PLEC: variants seen among roughly 807,000 people sequenced by gnomAD.
The protein encoded by PLEC is hemidesmosomal protein 1.
In PLEC, 216 loss-of-function variants were observed where a neutral mutation model predicts 392.8. The ratio of observed to expected loss-of-function variants is 0.55; its 90% CI spans 0.49 to 0.62. The LOEUF (loss-of-function observed/expected upper bound fraction) is 0.62. Ranked by LOEUF, PLEC falls within the 20% of genes least tolerant of loss-of-function variation. The probability of loss-of-function intolerance (pLI) is 0.00; values close to 1 mark genes in which losing one functional copy is unlikely to be tolerated. For missense variants in PLEC, 6,863 were observed against 6,563.4 expected (o/e 1.05, Z -1.58); for synonymous variants, 3,621 against 2,980.6 (o/e 1.21, Z -7.00).
Position 143,932,894 on chromosome 8 carries a change from C to G in PLEC, c.1636G>C (p.Val546Leu). 1 of 1,612,578 alleles carries G rather than the reference C, an allele frequency of 6.2e-7. No homozygotes were observed. Among genetic ancestry groups the G allele is most frequent in the Non-Finnish European group, 8.5e-7 (1 of 1,179,900 alleles). ...TGCGCCTCCACGCTGGGCAGGTCCA[C>G]ACCCCACTCAGCGCCATCCACACGG... is the stretch of plus-strand genomic sequence containing the variant. ...QHRVDGAEWG[V>L]DLPSVEAQLG... Residue 546 changes from valine to leucine, a missense_variant, in exon 14 of 32, where the codon GTG becomes CTG. Val to Leu is a conservative substitution (Grantham distance 32). Coordinates refer to ENST00000345136, the MANE Select transcript of PLEC (RefSeq NM_201384.3).
chr8:143,961,685 C>A (rs924561226), intron 1 of PLEC, among the ~76,000 whole-genome samples: 1 of 152,146 alleles, frequency 6.6e-6, no homozygotes, highest in African/African-American at 2.4e-5. Flanking sequence ...CAGGGGAATG[C>A]TGTATTGTAA....
chr8:143,920,035 G>C lies in PLEC; in HGVS notation c.9786C>G (p.Phe3262Leu), dbSNP rs781967089. ...TVWELISSEY[F>L]TAEQRQELLR... ...ACAGCTCCTGCCGCTGCTCCGCAGT[G>C]AAGTACTCAGAGCTGATGAGCTCCC... The change falls in exon 32 of 32, where the codon TTC (phenylalanine) becomes TTG (leucine). Residue 3262 changes from phenylalanine to leucine, a missense_variant. Phe to Leu is a conservative substitution (Grantham distance 22). Transcript: ENST00000345136. The C allele has an allele frequency of 1.2e-6, 2 of 1,613,340 alleles. No homozygotes were observed. The highest frequency in any genetic ancestry group is 8.5e-7 in the Non-Finnish European group (1 of 1,180,024).
At position 143,932,460 on chromosome 8, in the gene PLEC, C is replaced by T. The variant is rs782623219; in HGVS notation, c.1917G>A (p.Glu639=). Residue 639 remains glutamate, a synonymous_variant, in exon 16 of 32, where the codon GAG becomes GAA. Transcript: ENST00000345136. The part of the protein sequence containing the change: ...LMWLNEKEEE[E]VGFDWSDRNT... ...TGCGGTCGCTCCAGTCGAAGCCCACCTCCTCCTCCTCCTTCTCATTCAGCC... is the reference window on the plus strand; with the variant it reads ...TGCGGTCGCTCCAGTCGAAGCCCACTTCCTCCTCCTCCTTCTCATTCAGCC... The T allele has an allele frequency of 1.9e-6, 3 of 1,612,220 alleles. No homozygotes were observed. The South Asian group carries it at 3.3e-5, about 18-fold the overall frequency.
chr8:143,945,011 C>T (rs1026664286), intron 1 of PLEC, among the ~76,000 whole-genome samples: 4 of 144,310 alleles, frequency 2.8e-5, no homozygotes, highest in African/African-American at 5.9e-5. Flanking sequence ...TAGAGCAGGG[C>T]GCGGGAGGTG....
In PLEC at chr8:143,973,348, T is replaced by C; in HGVS notation, c.70+55A>G. 1.3e-6 allele frequency: 2 copies of C among 1,535,106 alleles called. No individual in the cohort carries two copies. Among genetic ancestry groups the C allele is most frequent in the South Asian group, 1.2e-5 (1 of 83,488 alleles). On this transcript the variant is annotated intron_variant, in intron 1 of 31. Transcript: ENST00000356346. The surrounding 1 kb of genome is among the most constrained non-coding windows in gnomAD (Gnocchi z 5.6). ...ACCGCCACCGTGGACGACAAGGTGC[T>C]CGGCGGCTGGGCTGTCAGGAGCGGC...
Position 143,969,880 on chromosome 8 carries a change from C to T in PLEC, c.70+3523G>A, listed in dbSNP as rs1244074626. ...GTGAGTACCGTTGGTGAGTGGGTGG[C>T]GTTGGTGTGGGGCAGGGGCCAGGGG... On this transcript the variant is annotated intron_variant, in intron 1 of 31. Coordinates refer to the PLEC transcript ENST00000356346. The surrounding 1 kb of genome is among the most constrained non-coding windows in gnomAD (Gnocchi z 5.1). 7.1e-6 allele frequency among the ~76,000 whole-genome samples: 1 copy of T among 141,690 alleles called. No homozygotes were observed. The highest frequency in any genetic ancestry group is 2.6e-5 in the African/African-American group (1 of 37,984). 93.0% of individuals were successfully genotyped at this position (141,690 alleles called of 152,430 possible).
chr8:143,962,975 G>A (rs1587404340), intron 1 of PLEC, among the ~76,000 whole-genome samples: 1 of 152,166 alleles, frequency 6.6e-6, no homozygotes, highest in African/African-American at 2.4e-5. Flanking sequence ...AGTGTGTTCT[G>A]CAGAGAAAGC....
chr8:143,957,604 C>T (rs1043105142), upstream of PLEC, among the ~76,000 whole-genome samples: 4 of 152,328 alleles, frequency 2.6e-5, no homozygotes, highest in Admixed American at 6.5e-5. Flanking sequence ...TCCTTCCCAA[C>T]CCCTCTGTCT....
rs2131299748 is a variant in PLEC at position 143,923,069 on chromosome 8, G to A, written c.6860C>T (p.Ala2287Val). 1 of 1,609,602 alleles carries A rather than the reference G, an allele frequency of 6.2e-7. No homozygotes were observed. The change falls in exon 31 of 32, where the codon GCC becomes GTC. Residue 2287 changes from alanine to valine, a missense_variant. Coordinates refer to ENST00000345136, the MANE Select transcript of PLEC (RefSeq NM_201384.3). ...CTGCCGCAGTCGCGCAGCCTCTTGG[G>A]CCGCCACACTCAGCCGCGCGGCCTC... ...AEEAARLSVA[A>V]QEAARLRQLA...
chr8:143,963,651 C>A (rs1234785732), intron 1 of PLEC, among the ~76,000 whole-genome samples: 1 of 152,068 alleles, frequency 6.6e-6, no homozygotes, highest in Non-Finnish European at 1.5e-5. Flanking sequence ...CTTCGATGAT[C>A]AGATTTGGGA....
In PLEC at chr8:143,923,957, T is replaced by C. The variant is rs370277924; in HGVS notation, c.5972A>G (p.Gln1991Arg). 2 of 1,593,116 alleles carry C rather than the reference T, an allele frequency of 1.3e-6. No homozygotes were observed. The highest frequency in any genetic ancestry group is 1.7e-6 in the Non-Finnish European group (2 of 1,177,228). Reference protein sequence around the residue: ...RRRREAEERVQKSLAAEEEAA... With the variant: ...RRRREAEERVRKSLAAEEEAA... ...CTCCTCCTCGGCCGCCAGGCTCTTC[T>C]GCACGCGCTCCTCAGCCTCACGGCG... The change falls in exon 31 of 32, where the codon CAG becomes CGG. Residue 1991 changes from glutamine (Q) to arginine (R), a missense_variant. Transcript: ENST00000345136.
chr8:143,926,880 G>A lies in PLEC; in HGVS notation c.3948C>T (p.Tyr1316=), dbSNP rs782715020. The A allele has an allele frequency of 2.5e-5, 41 of 1,610,384 alleles. No homozygotes were observed. The highest frequency in any genetic ancestry group is 3.3e-5 in the Admixed American group (2 of 60,012). The change falls in exon 30 of 32, where the codon TAC becomes TAT. Residue 1316 remains tyrosine, a splice_region_variant and synonymous_variant. Coordinates refer to ENST00000345136, the MANE Select transcript of PLEC (RefSeq NM_201384.3). The stretch of plus-strand genomic sequence containing the variant: ...CGCTGTAGTGCGTACGCAGGTCCAC[G>A]TACTGTGGAGTAGAGCCAGGGTTAG... ...QSGSESVIQE[Y]VDLRTHYSEL... is the part of the protein sequence containing the mutation.
In PLEC at chr8:143,938,389, G is replaced by A. The variant is rs937866071; in HGVS notation, c.175-149C>T. 15 of 1,535,398 alleles carry A rather than the reference G, an allele frequency of 9.8e-6. No homozygotes were observed. In the East Asian group the frequency reaches 1.5e-4, roughly 15 times the overall value. ...GCCCACGGAACACACCCTGCCCCAC[G>A]GAGGCACCTACCTCTGCCCGCCAGT... On this transcript the variant is annotated intron_variant, in intron 2 of 31. Coordinates refer to ENST00000345136, the MANE Select transcript of PLEC (RefSeq NM_201384.3).
rs970600859 is a variant in PLEC at position 143,969,230 on chromosome 8, C to A, written c.70+4173G>T. ...GATGTGAGCAGCCCTGACAGCGTCC[C>A]GGCAAGTCGAAGAGGCCAGACCCAG... On this transcript the variant is annotated intron_variant, in intron 1 of 31. Transcript: ENST00000356346. This position sits in a 1 kb window ranked among gnomAD's most constrained non-coding sequence, Gnocchi z 5.1. Among the ~76,000 whole-genome samples, 1 of 152,184 alleles carries A rather than the reference C, an allele frequency of 6.6e-6. No homozygotes were observed.
rs782398711 is a variant in PLEC at position 143,919,273 on chromosome 8, G to A, written c.10548C>T (p.Asn3516=). 5 of 1,614,052 alleles carry A rather than the reference G, an allele frequency of 3.1e-6. No homozygotes were observed. The highest frequency in any genetic ancestry group is 1.7e-5 in the Admixed American group (1 of 60,032). ...SDDTKGFFDP[N]THENLTYRQL... is the part of the protein sequence containing the mutation. ...GCCTGTACGTGAGGTTCTCATGCGT[G>A]TTGGGGTCAAAGAAGCCCTTGGTGT... is the stretch of plus-strand genomic sequence containing the variant. The change falls in exon 32 of 32, where the codon AAC becomes AAT. Residue 3516 remains asparagine, a synonymous_variant. Transcript: ENST00000345136.
chr8:143,939,633 C>T (rs960980029), upstream of PLEC: 32 of 1,426,796 alleles, frequency 2.2e-5, no homozygotes, highest in Non-Finnish European at 2.8e-5. Context: ...CTGTACTCCC[C>T]GGCGAGGCCG....
Position 143,916,723 on chromosome 8 carries a change from G to A in PLEC, c.13098C>T (p.Thr4366=). 6.2e-7 allele frequency: 1 copy of A among 1,613,032 alleles called. No individual in the cohort carries two copies. Among genetic ancestry groups the A allele is most frequent in the African/African-American group, 1.3e-5 (1 of 75,058 alleles). ...FCGFEDPRTK[T]KMSAAQALKK... Reference sequence around the variant, plus strand: ...TCAGGGCCTGGGCGGCCGACATCTTGGTCTTGGTGCGTGGGTCCTCGAAGC... The same window carrying A: ...TCAGGGCCTGGGCGGCCGACATCTTAGTCTTGGTGCGTGGGTCCTCGAAGC... The change falls in exon 32 of 32, where the codon ACC becomes ACT. Residue 4366 remains threonine, a synonymous_variant. Transcript: ENST00000345136.
rs782025276 is a variant in PLEC at position 143,920,771 on chromosome 8, C to T, written c.9050G>A (p.Arg3017Gln). The T allele has an allele frequency of 3.2e-5, 52 of 1,606,498 alleles. No homozygotes were observed. The highest frequency in any genetic ancestry group is 2.5e-4 in the East Asian group (11 of 44,890). The change falls in exon 32 of 32, where the codon CGG becomes CAG. Residue 3017 changes from arginine to glutamine, a missense_variant. Physicochemically the swap from Arg to Gln is conservative, Grantham distance 43. Transcript: ENST00000345136. ...VRDVAEVDTVRRALRGANVIA... is the reference protein window; with the variant it reads ...VRDVAEVDTVQRALRGANVIA... ...GACGTTGGCACCCCGGAGAGCCCGC[C>T]GCACAGTGTCCACCTCGGCTACGTC... is the stretch of plus-strand genomic sequence containing the variant.
upstream of PLEC, chr8:143,944,589 G>T: frequency 2.8e-6 from 3 of 1,085,772 alleles, no homozygotes; most frequent in East Asian, 9.5e-5. Flanking sequence ...CAGCCCTCTG[G>T]CCCCTGTCCC....
Sources: allele counts gnomAD v4.1 joint callset (sites outside exome capture counted in the v4.1 genomes callset), GRCh38; gene constraint gnomAD v4.1.1; non-coding constraint Gnocchi (gnomAD v3.1); transcripts MANE v1.5; gene names NCBI Gene and HGNC (gene_info 2026-07-23, HGNC 2026-07-21).